ARHGEF10: variants seen among roughly 807,000 people sequenced by gnomAD.
The protein encoded by ARHGEF10 is Rho guanine nucleotide exchange factor (GEF) 10.
Under a neutral mutation model 147.4 loss-of-function variants are expected in ARHGEF10, and 140 were observed. That is an observed-to-expected ratio of 0.95 (90% CI 0.83 to 1.09). ARHGEF10 has a LOEUF of 1.09. ARHGEF10 is among the 50% of genes least tolerant of loss of function. The pLI is 0.00. For missense variants in ARHGEF10, 2,222 were observed against 1,752.7 expected (o/e 1.27, Z -4.78); for synonymous variants, 902 against 695.8 (o/e 1.30, Z -4.67).
At chr8:1,926,511 G>C in intron 23 of ARHGEF10, 48 bp downstream of exon 23, 1 of 1,544,200 alleles carries the variant, frequency 6.5e-7, no homozygotes, top group Non-Finnish European at 9.0e-7. Context: ...GAGAATCAAC[G>C]TTCATGGTCG....
chr8:1,926,530 A>G, intron 23 of ARHGEF10, 67 bp downstream of exon 23: 1 of 1,442,914 alleles, frequency 6.9e-7, no homozygotes, highest in Non-Finnish European at 9.7e-7. Context: ...CGGTGTGATG[A>G]GAGACTGAGA....
intron 6 of ARHGEF10, 60 bp downstream of exon 6, chr8:1,866,662 G>T (rs1020742456): frequency 1.3e-6 from 2 of 1,495,998 alleles, no homozygotes; most frequent in East Asian, 2.3e-5. Flanking sequence ...CGTCACTGCG[G>T]CGGGGCCGGG....
intron 11 of ARHGEF10, among the ~76,000 whole-genome samples, chr8:1,887,679 G>A (rs1808799394): frequency 6.6e-6 from 1 of 150,890 alleles, no homozygotes. Context: ...TGCAATGTGA[G>A]GGGTCTGTGA....
chr8:1,899,313 G>A (rs531858556), intron 15 of ARHGEF10, among the ~76,000 whole-genome samples: 1 of 152,366 alleles, frequency 6.6e-6, no homozygotes, highest in Non-Finnish European at 1.5e-5. Context: ...TTTCAAAGGA[G>A]AGTCTATGCT....
Position 1,885,598 on chromosome 8 carries a change from A to G in ARHGEF10, c.1076-3A>G. ...ATTCATGCATTTTGACTTTTTTTTT[A>G]AGATCACAGATCTTCTCTTGAGGAA... On this transcript the variant is annotated splice_region_variant and splice_polypyrimidine_tract_variant and intron_variant, in intron 10 of 28. Transcript: ENST00000349830. The G allele has an allele frequency of 6.2e-7, 1 of 1,603,746 alleles. No homozygotes were observed.
chr8:1,899,391 T>C (rs1810278727), intron 15 of ARHGEF10, among the ~76,000 whole-genome samples: 1 of 152,248 alleles, frequency 6.6e-6, no homozygotes, highest in African/African-American at 2.4e-5. Flanking sequence ...CAGAGGACTT[T>C]GCTTGGACTG....
At chr8:1,926,314 A>T (rs955635548) in intron 22 of ARHGEF10, 63 bp from the exon 23 acceptor site, 2 of 1,328,866 alleles carry the variant, frequency 1.5e-6, no homozygotes, top group Non-Finnish European at 2.2e-6. Flanking sequence ...TTAAGACGTT[A>T]TGTAGTCTAG....
rs1563147806 is a variant in ARHGEF10, at chr8:1,832,524, G to GAGA, written c.-48+8411_-48+8412insAGA. 3.4e-4 allele frequency among the ~76,000 whole-genome samples: 44 copies of GAGA among 130,250 alleles called. 2 individuals are homozygous for GAGA. Among genetic ancestry groups the GAGA allele is most frequent in the African/African-American group, 1.1e-3 (37 of 33,582 alleles). 85.4% of individuals were successfully genotyped at this position (130,250 alleles called of 152,430 possible). On this transcript the variant is annotated intron_variant, in intron 1 of 28. Coordinates refer to ENST00000349830, the MANE Select transcript of ARHGEF10 (RefSeq NM_014629.4). Reference sequence around the variant, plus strand: ...GACACAGGCAGAGACAGAGACAGAGGTAGAGAGACACAGAGGCAGAGGCAG... The same window carrying GAGA: ...GACACAGGCAGAGACAGAGACAGAGGAGATAGAGAGACACAGAGGCAGAGGCAG...
chr8:1,841,984 G>C, intron 1 of ARHGEF10, among the ~76,000 whole-genome samples: 1 of 74,344 alleles, frequency 1.3e-5, no homozygotes, highest in South Asian at 4.3e-4. Context: ...GCCGCGGCGG[G>C]AACTGGGGCC....
At chr8:1,882,160 G>T (rs1456275657) in intron 9 of ARHGEF10, among the ~76,000 whole-genome samples, 1 of 152,224 alleles carries the variant, frequency 6.6e-6, no homozygotes, top group Non-Finnish European at 1.5e-5. Flanking sequence ...CAGCCCCGTG[G>T]CTGGAGCTGG....
rs1417269165 is a variant in ARHGEF10 at position 1,889,186 on chromosome 8, C to T, written c.1182+3479C>T. Among the ~76,000 whole-genome samples the T allele has an allele frequency of 6.3e-5, 2 of 31,726 alleles. 1 individual carries two copies. The highest frequency in any genetic ancestry group is 9.7e-5 in the Non-Finnish European group (2 of 20,708). 20.8% of individuals were successfully genotyped at this position (31,726 alleles called of 152,430 possible). A position where few individuals can be genotyped will look rare whatever the true frequency, so the allele number is the denominator to read the frequency against. On this transcript the variant is annotated intron_variant, in intron 11 of 28. Transcript: ENST00000349830. Reference sequence around the variant, plus strand: ...CTGAGTTGGGGGGTTGTGAGGAGAGCGTGGGGTGAGGTTTATTAGGAGACA... The same window carrying T: ...CTGAGTTGGGGGGTTGTGAGGAGAGTGTGGGGTGAGGTTTATTAGGAGACA...
rs1815752289 is a variant in ARHGEF10, at chr8:1,958,502, A to G, written c.*1239A>G. The stretch of plus-strand genomic sequence containing the variant: ...ATGTCTCAGCACTTTACAGATGACT[A>G]AAAATGTTAATTTTATGACTTAGCC... On this transcript the variant is annotated 3_prime_UTR_variant, in exon 29 of 29. Transcript: ENST00000349830. 1 of 152,236 alleles carries G rather than the reference A, an allele frequency of 6.6e-6. No individual in the cohort carries two copies. The highest frequency in any genetic ancestry group is 1.5e-5 in the Non-Finnish European group (1 of 68,044). The allele number at this position is 152,236 out of a possible 1,614,324, so 9.4% of individuals were successfully genotyped here. A position where few individuals can be genotyped will look rare whatever the true frequency, so the allele number is the denominator to read the frequency against.
chr8:1,945,710 G>C (rs902239587), intron 27 of ARHGEF10, 55 bp downstream of exon 27: 24 of 1,608,934 alleles, frequency 1.5e-5, no homozygotes, highest in Non-Finnish European at 1.9e-5. Context: ...ACGGACGTGG[G>C]GGGTGCGGAG....
rs557345250 is a variant in ARHGEF10, at chr8:1,923,503, A to G, written c.2295A>G (p.Ser765=). ...LNQSVAHDWT[S]GLQRLILKKE... is the part of the protein sequence containing the mutation. ...AGTCAGTAGCCCATGACTGGACATC[A>G]GGTTTACAAAGGCTTATTTTGAAGA... Residue 765 remains serine (S), a synonymous_variant, in exon 20 of 29, where the codon TCA becomes TCG. Coordinates refer to ENST00000349830, the MANE Select transcript of ARHGEF10 (RefSeq NM_014629.4). The G allele has an allele frequency of 5.0e-6, 8 of 1,614,100 alleles. No homozygotes were observed. The African/African-American group carries it at 5.3e-5, about 11-fold the overall frequency.
At chr8:1,944,723 G>T (rs1338346390) in intron 26 of ARHGEF10, among the ~76,000 whole-genome samples, 1 of 152,192 alleles carries the variant, frequency 6.6e-6, no homozygotes, top group Non-Finnish European at 1.5e-5. Context: ...CCTGGGGCAC[G>T]CAGTGTCTCT....
Position 1,866,492 on chromosome 8 carries a change from G to C in ARHGEF10, c.546-34G>C, listed in dbSNP as rs201519599. ...CATCCTAGTGACTTGGGCTGTGCCT[G>C]GATATTCTGACTTTATGGTTTGTTT... On this transcript the variant is annotated intron_variant, in intron 5 of 28. Coordinates refer to ENST00000349830, the MANE Select transcript of ARHGEF10 (RefSeq NM_014629.4). The C allele has an allele frequency of 4.0e-3, 6,485 of 1,607,968 alleles. 18 individuals are homozygous for C. The highest frequency in any genetic ancestry group is 4.7e-3 in the Non-Finnish European group (5,542 of 1,176,378).
At chr8:1,935,918 G>A (rs1813558981) in intron 26 of ARHGEF10, among the ~76,000 whole-genome samples, 1 of 152,222 alleles carries the variant, frequency 6.6e-6, no homozygotes, top group Non-Finnish European at 1.5e-5. Flanking sequence ...CACTGTCCGA[G>A]CTCACTCCGA....
At chr8:1,835,213 G>A (rs1175105577) in intron 1 of ARHGEF10, among the ~76,000 whole-genome samples, 1 of 152,232 alleles carries the variant, frequency 6.6e-6, no homozygotes, top group African/African-American at 2.4e-5. Flanking sequence ...CGACCAGGGG[G>A]CCCAGGATGC....
chr8:1,950,489 A>G (rs138778821), intron 27 of ARHGEF10, among the ~76,000 whole-genome samples: 10 of 152,236 alleles, frequency 6.6e-5, no homozygotes, highest in African/African-American at 2.2e-4. Context: ...AAACATTCAT[A>G]TCGGGTTTCT....
Sources: gnomAD v4.1 joint callset for allele counts (sites outside exome capture counted in the v4.1 genomes callset) on GRCh38, gnomAD v4.1.1 for gene constraint, MANE v1.5 for transcripts, NCBI Gene and HGNC (gene_info 2026-07-23, HGNC 2026-07-21) for gene names.